The following ABLIM2 variants were observed in gnomAD, a reference collection of about 807,000 sequenced individuals.
ABLIM2 encodes actin-binding LIM protein 2.
ABLIM2 carries 53 observed loss-of-function variants against 97.7 expected under a neutral mutation model. The observed-to-expected ratio is 0.54, with a 90% CI of 0.44 to 0.68. The LOEUF is 0.68. ABLIM2 is among the 30% of genes least tolerant of loss of function. ABLIM2 has a pLI of 0.00. For missense variants in ABLIM2, 835 were observed against 867.2 expected (o/e 0.96, Z 0.47); for synonymous variants, 361 against 345.8 (o/e 1.04, Z -0.49).
Position 8,031,296 on chromosome 4 carries a change from G to C in ABLIM2, c.1048-1520C>G, listed in dbSNP as rs142655654. ...AGCCTGAGACAGGGGCCTCTGCAGG[G>C]AGACCAGGCTCTTCCCAGGAGTGTG... On this transcript the variant is annotated intron_variant, in intron 10 of 20. Coordinates refer to ENST00000447017, the MANE Select transcript of ABLIM2 (RefSeq NM_001130083.2). Among the ~76,000 whole-genome samples the C allele has an allele frequency of 1.4e-3, 206 of 152,316 alleles. 2 individuals are homozygous for C. Among genetic ancestry groups the C allele is most frequent in the African/African-American group, 4.7e-3 (197 of 41,580 alleles).
intron 3 of ABLIM2, among the ~76,000 whole-genome samples, chr4:8,091,094 A>G (rs189111967): frequency 4.9e-4 from 74 of 150,406 alleles, no homozygotes; most frequent in African/African-American, 1.7e-3. Flanking sequence ...TCACAACGGC[A>G]CTGGAGGGAC....
intron 8 of ABLIM2, among the ~76,000 whole-genome samples, chr4:8,052,457 T>G (rs188540641): frequency 3.1e-4 from 47 of 152,324 alleles, no homozygotes; most frequent in African/African-American, 1.1e-3. Flanking sequence ...AAATTCACAA[T>G]GTGCCAGCTA....
At chr4:8,055,381 G>A (rs11947671) in intron 7 of ABLIM2, among the ~76,000 whole-genome samples, 35,524 of 148,024 alleles carry the variant, frequency 0.24, 4,269 homozygotes, top group South Asian at 0.3. Context: ...CCTGCGATGG[G>A]CTGGCACTGC....
intron 19 of ABLIM2, 53 bp downstream of exon 19, chr4:7,983,494 C>T (rs1285028862): frequency 9.3e-6 from 15 of 1,609,694 alleles, no homozygotes; most frequent in Non-Finnish European, 1.3e-5. Context: ...GGACTTTTAA[C>T]CTGGGCAGGT....
intron 1 of ABLIM2, among the ~76,000 whole-genome samples, chr4:8,117,832 C>G (rs1404182786): frequency 6.6e-6 from 1 of 152,200 alleles, no homozygotes; most frequent in East Asian, 1.9e-4. Flanking sequence ...TCTCTCCTAT[C>G]CCCCCACGCA....
In ABLIM2 at chr4:8,130,374, G is replaced by A. The variant is rs1317669364; in HGVS notation, c.11-23737C>T. On this transcript the variant is annotated intron_variant, in intron 1 of 20. Coordinates refer to ENST00000447017, the MANE Select transcript of ABLIM2 (RefSeq NM_001130083.2). This position sits in a 1 kb window ranked among gnomAD's most constrained non-coding sequence, Gnocchi z 4.2. ...TGTTCAGGAGAGGGCCATGTGGAGA[G>A]GTTGGCCTTCTGAGTCCTGCCTGGG... Among the ~76,000 whole-genome samples, 2 of 152,252 alleles carry A rather than the reference G, an allele frequency of 1.3e-5. No homozygotes were observed. Among genetic ancestry groups the A allele is most frequent in the African/African-American group, 4.8e-5 (2 of 41,478 alleles).
In ABLIM2 at chr4:7,998,739, T is replaced by C; in HGVS notation, c.1619-5812A>G. The C allele has an allele frequency of 2.2e-6, 1 of 462,708 alleles. No individual in the cohort carries two copies. The highest frequency in any genetic ancestry group is 4.3e-6 in the Non-Finnish European group (1 of 231,734). The allele number at this position is 462,708 out of a possible 1,614,324, so 28.7% of individuals were successfully genotyped here. On this transcript the variant is annotated intron_variant, in intron 16 of 20. Coordinates refer to ENST00000447017, the MANE Select transcript of ABLIM2 (RefSeq NM_001130083.2). The surrounding 1 kb of genome is among the most constrained non-coding windows in gnomAD (Gnocchi z 6.4). ...ACTGCATGGGAGGCTGGGAGTCTGC[T>C]GGCCTGGGCCACCTCCTGCTGCTGG...
At chr4:8,076,040 G>A (rs1384120212) in intron 6 of ABLIM2, among the ~76,000 whole-genome samples, 1 of 152,258 alleles carries the variant, frequency 6.6e-6, no homozygotes, top group Non-Finnish European at 1.5e-5. Context: ...ACATCAATGA[G>A]AATGGAGGAC....
In ABLIM2 at chr4:8,080,659, G is replaced by T; in HGVS notation, c.581+17C>A. On this transcript the variant is annotated intron_variant, in intron 5 of 20. Coordinates refer to ENST00000447017, the MANE Select transcript of ABLIM2 (RefSeq NM_001130083.2). The stretch of plus-strand genomic sequence containing the variant: ...AGCCTGAGCGGAGGCTCTCACTAGA[G>T]CCCTCCCCCCACTTACTTGCTGATG... 1 of 1,589,866 alleles carries T rather than the reference G, an allele frequency of 6.3e-7. No individual in the cohort carries two copies. Among genetic ancestry groups the T allele is most frequent in the Non-Finnish European group, 8.6e-7 (1 of 1,164,978 alleles).
intron 14 of ABLIM2, among the ~76,000 whole-genome samples, chr4:8,010,959 G>A (rs1453040843): frequency 6.6e-6 from 1 of 152,264 alleles, no homozygotes; most frequent in Non-Finnish European, 1.5e-5. Context: ...AGCCAGAGAA[G>A]GGCCCTGGGG....
chr4:8,010,403 A>T, intron 14 of ABLIM2: 1 of 985,896 alleles, frequency 1.0e-6, no homozygotes, highest in Non-Finnish European at 1.2e-6. Context: ...AGGCCTCAGG[A>T]AGGACACGCC....
At chr4:8,020,427 A>G (rs775383534) in intron 12 of ABLIM2, 124 bp from the exon 13 acceptor site, 2 of 867,412 alleles carry the variant, frequency 2.3e-6, no homozygotes. Flanking sequence ...AGCAGCCCAG[A>G]TCCCCTGCCC....
At chr4:8,079,148 G>A (rs922722274) in intron 5 of ABLIM2, among the ~76,000 whole-genome samples, 1 of 152,250 alleles carries the variant, frequency 6.6e-6, no homozygotes, top group Admixed American at 6.5e-5. Context: ...CGCTCAGAGA[G>A]TGGCAGCCCT....
rs1414573311 is a variant in ABLIM2, at chr4:8,046,728, C to A, written c.823-1487G>T. Among the ~76,000 whole-genome samples the A allele has an allele frequency of 6.6e-6, 1 of 152,190 alleles. No individual in the cohort carries two copies. Among genetic ancestry groups the A allele is most frequent in the East Asian group, 1.9e-4 (1 of 5,194 alleles). On this transcript the variant is annotated intron_variant, in intron 8 of 20. Coordinates refer to ENST00000447017, the MANE Select transcript of ABLIM2 (RefSeq NM_001130083.2). The surrounding 1 kb of genome is among the most constrained non-coding windows in gnomAD (Gnocchi z 4.4). ...ACATTCGTAGGTTGAATCCTAACCC[C>A]CAGGACCTCAGAATGTGGCTGTATT...
At chr4:8,040,206 C>T (rs1176665143) in intron 9 of ABLIM2, among the ~76,000 whole-genome samples, 1 of 152,182 alleles carries the variant, frequency 6.6e-6, no homozygotes, top group East Asian at 1.9e-4. Context: ...ACCTGCAAAG[C>T]ACCCGACGGG....
chr4:8,028,650 C>T (rs1315246467), intron 11 of ABLIM2, among the ~76,000 whole-genome samples: 3 of 152,194 alleles, frequency 2.0e-5, no homozygotes, highest in Admixed American at 2.0e-4. Flanking sequence ...CATTCACTCA[C>T]TGACCCATTC....
At chr4:8,020,939 C>T (rs1773259191) in intron 12 of ABLIM2, 1 of 150,688 alleles carries the variant, frequency 6.6e-6, no homozygotes, top group African/African-American at 2.5e-5. Flanking sequence ...AGGGTGCAGA[C>T]TCCACCTTCT....
At position 8,127,868 on chromosome 4, in the gene ABLIM2, G is replaced by A. The variant is rs1177339751; in HGVS notation, c.11-21231C>T. ...ACTCGGGGTGGGGGAGGAGTGGTGG[G>A]GGTGGGGAGCATCTGCTGACCCTTC... On this transcript the variant is annotated intron_variant, in intron 1 of 20. Transcript: ENST00000447017. This position sits in a 1 kb window ranked among gnomAD's most constrained non-coding sequence, Gnocchi z 7.3. 6.6e-6 allele frequency among the ~76,000 whole-genome samples: 1 copy of A among 152,092 alleles called. No homozygotes were observed. The highest frequency in any genetic ancestry group is 1.5e-5 in the Non-Finnish European group (1 of 67,996).
intron 11 of ABLIM2, among the ~76,000 whole-genome samples, chr4:8,029,140 G>A (rs1779237423): frequency 6.6e-6 from 1 of 152,184 alleles, no homozygotes; most frequent in African/African-American, 2.4e-5. Context: ...GACTGGCGGG[G>A]ACCTCTCACC....
Sources: gnomAD v4.1 joint callset for allele counts (sites outside exome capture counted in the v4.1 genomes callset) on GRCh38, gnomAD v4.1.1 for gene constraint, Gnocchi (gnomAD v3.1) non-coding constraint, MANE v1.5 for transcripts, NCBI Gene and HGNC (gene_info 2026-07-23, HGNC 2026-07-21) for gene names.